The following SRRM4 variants were observed in gnomAD, a reference collection of about 807,000 sequenced individuals.
The protein encoded by SRRM4 is serine/arginine repetitive matrix protein 4.
Under a neutral mutation model 68.9 loss-of-function variants are expected in SRRM4, and 33 were observed. The observed-to-expected ratio is 0.48, with a 90% confidence interval of 0.36 to 0.64. The LOEUF (loss-of-function observed/expected upper bound fraction) is 0.64. SRRM4 is among the 30% of genes least tolerant of loss of function. The pLI is 0.00. For missense variants in SRRM4, 817 were observed against 827.1 expected (o/e 0.99, Z 0.15); for synonymous variants, 318 against 318.8 (o/e 1.00, Z 0.03).
At chr12:119,043,803 C>CACACACACACACAA (rs1399973846) in intron 1 of SRRM4, among the ~76,000 whole-genome samples, 2 of 151,876 alleles carry the variant, frequency 1.3e-5, no homozygotes, top group Admixed American at 1.3e-4. Context: ...CACACACACA[C>CACACACACACACAA]ACACAAGTCT....
chr12:118,985,390 G>C (rs1953275825), intron 1 of SRRM4, among the ~76,000 whole-genome samples: 1 of 152,200 alleles, frequency 6.6e-6, no homozygotes, highest in Non-Finnish European at 1.5e-5. Flanking sequence ...TCAGTCTAAA[G>C]AAAGCTCAAA....
chr12:119,082,020 T>C (rs1953952014), intron 1 of SRRM4, among the ~76,000 whole-genome samples: 1 of 152,250 alleles, frequency 6.6e-6, no homozygotes, highest in Non-Finnish European at 1.5e-5. Flanking sequence ...CAGTTGATCA[T>C]GACGGATCAG....
chr12:119,024,830 T>C (rs141765774), intron 1 of SRRM4, among the ~76,000 whole-genome samples: 84 of 152,232 alleles, frequency 5.5e-4, no homozygotes, highest in African/African-American at 2.0e-3. Context: ...GGACACTCTA[T>C]CCTGAAAAAC....
chr12:119,118,569 CAAACT>C (rs544932701), intron 4 of SRRM4, among the ~76,000 whole-genome samples: 45 of 152,214 alleles, frequency 3.0e-4, no homozygotes, highest in Non-Finnish European at 5.9e-4. Context: ...AAGGCATGGG[CAAACT>C]AATTAGTGAA....
At chr12:119,072,482 T>C (rs1953883952) in intron 1 of SRRM4, among the ~76,000 whole-genome samples, 2 of 152,020 alleles carry the variant, frequency 1.3e-5, no homozygotes, top group South Asian at 2.1e-4. Context: ...CCCAGGCTGT[T>C]GGGGAAGGGA....
At chr12:119,142,845 G>A (rs542697865) in intron 8 of SRRM4, among the ~76,000 whole-genome samples, 5 of 152,316 alleles carry the variant, frequency 3.3e-5, no homozygotes, top group African/African-American at 1.2e-4. Flanking sequence ...CAGAGGTGGT[G>A]GAGATACATG....
In SRRM4 at chr12:119,056,675, C is replaced by T. The variant is rs973460570; in HGVS notation, c.132-45561C>T. On this transcript the variant is annotated intron_variant, in intron 1 of 12. Coordinates refer to ENST00000267260, the MANE Select transcript of SRRM4 (RefSeq NM_194286.4). ...CCTTTGCACATGCTGTTCTCTCGGCCTCACTTGTTCTCACTCGGCCTTCTT... is the reference window on the plus strand; with the variant it reads ...CCTTTGCACATGCTGTTCTCTCGGCTTCACTTGTTCTCACTCGGCCTTCTT... Among the ~76,000 whole-genome samples, 4 of 152,120 alleles carry T rather than the reference C, an allele frequency of 2.6e-5. No homozygotes were observed. In the South Asian group the frequency reaches 8.3e-4, roughly 32 times the overall value.
rs1371236614 is a variant in SRRM4 at position 119,042,456 on chromosome 12, T to C, written c.132-59780T>C. Among the ~76,000 whole-genome samples the C allele has an allele frequency of 2.0e-5, 3 of 152,190 alleles. No homozygotes were observed. The East Asian group carries it at 5.8e-4, about 29-fold the overall frequency. On this transcript the variant is annotated intron_variant, in intron 1 of 12. Coordinates refer to ENST00000267260, the MANE Select transcript of SRRM4 (RefSeq NM_194286.4). ...GTATTTAATTGGTTTATTAGTGTAA[T>C]TCAGTTGCAGTTTGATTTGATTCAA...
chr12:119,020,925 C>CTA (rs1565890813), intron 1 of SRRM4, among the ~76,000 whole-genome samples: 5 of 152,142 alleles, frequency 3.3e-5, no homozygotes, highest in African/African-American at 1.2e-4. Context: ...AAGGAGATGC[C>CTA]TTCTCGCCCG....
At chr12:119,003,263 C>T (rs531441899) in intron 1 of SRRM4, among the ~76,000 whole-genome samples, 69 of 151,804 alleles carry the variant, frequency 4.5e-4, no homozygotes, top group African/African-American at 1.6e-3. Flanking sequence ...TCTCTCTACC[C>T]CCTCCCCATC....
chr12:119,141,455 A>C (rs1764240063), intron 8 of SRRM4, among the ~76,000 whole-genome samples: 3 of 152,166 alleles, frequency 2.0e-5, no homozygotes, highest in African/African-American at 7.2e-5. Context: ...CACCCAGCCG[A>C]GCTGGTCTTG....
intron 1 of SRRM4, among the ~76,000 whole-genome samples, chr12:119,072,949 G>A (rs1194832573): frequency 6.6e-6 from 1 of 152,178 alleles, no homozygotes; most frequent in Non-Finnish European, 1.5e-5. Context: ...TAGATCAGGT[G>A]AATTCAAAAG....
At chr12:119,065,271 G>A (rs1409423631) in intron 1 of SRRM4, among the ~76,000 whole-genome samples, 2 of 152,188 alleles carry the variant, frequency 1.3e-5, no homozygotes, top group Admixed American at 1.3e-4. Flanking sequence ...ACTGTTCTGA[G>A]TTGACCCCTG....
chr12:119,146,346 G>A (rs1345478628), intron 9 of SRRM4, among the ~76,000 whole-genome samples: 2 of 152,196 alleles, frequency 1.3e-5, no homozygotes, highest in Non-Finnish European at 2.9e-5. Flanking sequence ...CAGCACTTTG[G>A]GAGGCCGAGG....
intron 4 of SRRM4, among the ~76,000 whole-genome samples, chr12:119,118,777 A>G (rs1954198853): frequency 6.6e-6 from 1 of 152,122 alleles, no homozygotes; most frequent in Non-Finnish European, 1.5e-5. Context: ...GTGGCTTCTC[A>G]CTCACAGATT....
chr12:118,996,310 T>TATAAATAATCATGCATA (rs1555213191), intron 1 of SRRM4, among the ~76,000 whole-genome samples: 4 of 152,242 alleles, frequency 2.6e-5, no homozygotes, highest in Non-Finnish European at 5.9e-5. Context: ...GCTGTGCATA[T>TATAAATAATCATGCATA]TTAAATAATC....
chr12:119,040,042 T>C (rs1953656235), intron 1 of SRRM4, among the ~76,000 whole-genome samples: 1 of 152,106 alleles, frequency 6.6e-6, no homozygotes, highest in African/African-American at 2.4e-5. Context: ...GTTAGTTATA[T>C]GTAACTTTCC....
intron 1 of SRRM4, among the ~76,000 whole-genome samples, chr12:118,990,259 A>G (rs535542904): frequency 5.2e-4 from 79 of 152,294 alleles, no homozygotes; most frequent in African/African-American, 1.9e-3. Context: ...GCAGAGGAGG[A>G]AAAAATGGTA....
chr12:119,122,191 A>T, intron 6 of SRRM4, 71 bp downstream of exon 6: 1 of 1,052,806 alleles, frequency 9.5e-7, no homozygotes, highest in Non-Finnish European at 1.5e-6. Flanking sequence ...TAAAAGCCAG[A>T]GTCTTAGAGT....
Sources: gnomAD v4.1 joint callset for allele counts (sites outside exome capture counted in the v4.1 genomes callset) on GRCh38, gnomAD v4.1.1 for gene constraint, MANE v1.5 for transcripts, NCBI Gene and HGNC (gene_info 2026-07-23, HGNC 2026-07-21) for gene names.